The following ST3GAL3 variants were observed in gnomAD, a reference collection of about 807,000 sequenced individuals.
ST3GAL3 encodes CMP-N-acetylneuraminate-beta-1,4-galactoside alpha-2,3-sialyltransferase.
In ST3GAL3, 21 loss-of-function variants were observed where a neutral mutation model predicts 50.1. The observed-to-expected ratio is 0.42, with a 90% CI of 0.30 to 0.60. The LOEUF (loss-of-function observed/expected upper bound fraction) is 0.60. Among genes scored for constraint, ST3GAL3 ranks in the 20% least tolerant of loss-of-function variants. The pLI, the probability that ST3GAL3 is intolerant of heterozygous loss-of-function variation, is 0.19. For missense variants in ST3GAL3, 353 were observed against 489.4 expected (o/e 0.72, Z 2.63); for synonymous variants, 183 against 190.0 (o/e 0.96, Z 0.30).
intron 2 of ST3GAL3, among the ~76,000 whole-genome samples, chr1:43,787,704 C>A (rs1371113486): frequency 6.6e-6 from 1 of 152,204 alleles, no homozygotes; most frequent in Non-Finnish European, 1.5e-5. Flanking sequence ...TTACCCTTAT[C>A]ACTTTATTTT....
chr1:43,923,146 G>T (rs2083340591), intron 11 of ST3GAL3, among the ~76,000 whole-genome samples: 1 of 151,650 alleles, frequency 6.6e-6, no homozygotes, highest in South Asian at 2.1e-4. Flanking sequence ...TGCGCATGTA[G>T]TCCCTGCTGC....
chr1:43,921,563 C>T (rs958461188), intron 11 of ST3GAL3: 1 of 399,570 alleles, frequency 2.5e-6, no homozygotes, highest in African/African-American at 2.1e-5. Flanking sequence ...AGTTCTTCAA[C>T]AGCTTCTCTG....
intron 9 of ST3GAL3, among the ~76,000 whole-genome samples, chr1:43,915,892 G>A (rs1336294195): frequency 6.6e-6 from 1 of 152,220 alleles, no homozygotes; most frequent in East Asian, 1.9e-4. Flanking sequence ...GCCGAGGTGG[G>A]CGGGTCTTCT....
At chr1:43,794,772 T>G (rs2058496547) in intron 3 of ST3GAL3, among the ~76,000 whole-genome samples, 2 of 152,218 alleles carry the variant, frequency 1.3e-5, no homozygotes, top group Non-Finnish European at 2.9e-5. Flanking sequence ...ACAATATGGA[T>G]AAATATTAAA....
intron 9 of ST3GAL3, among the ~76,000 whole-genome samples, chr1:43,902,820 G>A (rs578007884): frequency 6.6e-6 from 1 of 152,332 alleles, no homozygotes; most frequent in African/African-American, 2.4e-5. Context: ...TCACTTATCA[G>A]CTGTCCATGA....
intron 5 of ST3GAL3, chr1:43,841,899 G>C (rs1305836208): frequency 2.0e-5 from 3 of 152,122 alleles, no homozygotes; most frequent in Non-Finnish European, 2.9e-5. Context: ...TCATTTACTT[G>C]CACCTGTATC....
At chr1:43,843,924 T>C (rs2065825711) in intron 5 of ST3GAL3, among the ~76,000 whole-genome samples, 1 of 152,252 alleles carries the variant, frequency 6.6e-6, no homozygotes, top group Admixed American at 6.5e-5. Flanking sequence ...CAGATGCTAA[T>C]CACAAGTAGT....
In ST3GAL3 at chr1:43,924,491, G is replaced by A. The variant is rs376686537; in HGVS notation, c.1038+3563G>A. Among the ~76,000 whole-genome samples, 10 of 152,356 alleles carry A rather than the reference G, an allele frequency of 6.6e-5. No homozygotes were observed. The East Asian group carries it at 9.6e-4, about 15-fold the overall frequency. On this transcript the variant is annotated intron_variant, in intron 11 of 11. Transcript: ENST00000347631. ...AATCGCAATGGGCTTTCTGTGCCACGGAAGGAGTTTGCACATTATTTAGAA... is the reference window on the plus strand; with the variant it reads ...AATCGCAATGGGCTTTCTGTGCCACAGAAGGAGTTTGCACATTATTTAGAA...
intron 4 of ST3GAL3, chr1:43,824,661 TC>T: frequency 2.5e-6 from 4 of 1,607,306 alleles, no homozygotes; most frequent in Non-Finnish European, 3.4e-6. Context: ...AGCCCACTGT[TC>T]AAAGACTTTC....
intron 5 of ST3GAL3, chr1:43,842,036 A>G (rs1438584666): frequency 1.3e-5 from 2 of 152,242 alleles, no homozygotes; most frequent in Admixed American, 6.5e-5. Flanking sequence ...GAAAGGGCAC[A>G]ATGCAACCAA....
At chr1:43,780,492 A>G (rs896393925) in intron 2 of ST3GAL3, among the ~76,000 whole-genome samples, 1 of 151,948 alleles carries the variant, frequency 6.6e-6, no homozygotes, top group African/African-American at 2.4e-5. Flanking sequence ...TCTTTTCAGC[A>G]TTTTCTCCTT....
chr1:43,787,606 G>A (rs1439870752), intron 2 of ST3GAL3, among the ~76,000 whole-genome samples: 1 of 152,202 alleles, frequency 6.6e-6, no homozygotes, highest in East Asian at 1.9e-4. Flanking sequence ...GTTTAAAAAT[G>A]TGTGATCGTA....
intron 3 of ST3GAL3, among the ~76,000 whole-genome samples, chr1:43,804,733 G>GT (rs2059681511): frequency 6.6e-6 from 1 of 152,346 alleles, no homozygotes; most frequent in African/African-American, 2.4e-5. Flanking sequence ...CTGTGGGCAG[G>GT]TGACAGTGAT....
chr1:43,785,804 G>A (rs983090722), intron 2 of ST3GAL3, among the ~76,000 whole-genome samples: 11 of 152,256 alleles, frequency 7.2e-5, no homozygotes, highest in African/African-American at 2.6e-4. Context: ...CTAGGTGGAT[G>A]AGGAGTCTAT....
At chr1:43,924,429 T>G (rs1344119516) in intron 11 of ST3GAL3, among the ~76,000 whole-genome samples, 1 of 152,254 alleles carries the variant, frequency 6.6e-6, no homozygotes, top group African/African-American at 2.4e-5. Context: ...TAAAGTTGTA[T>G]GCAGAGGGTG....
chr1:43,786,396 C>A (rs186260274), intron 2 of ST3GAL3, among the ~76,000 whole-genome samples: 1 of 152,286 alleles, frequency 6.6e-6, no homozygotes, highest in Admixed American at 6.5e-5. Flanking sequence ...GCGCCAGCAA[C>A]ACTGACCTTC....
At chr1:43,884,953 A>G (rs1315544559) in intron 5 of ST3GAL3, among the ~76,000 whole-genome samples, 1 of 151,612 alleles carries the variant, frequency 6.6e-6, no homozygotes, top group African/African-American at 2.4e-5. Context: ...CCCTCACCTC[A>G]CTCCTTAATA....
chr1:43,901,712 G>C (rs1018339571), intron 9 of ST3GAL3, among the ~76,000 whole-genome samples: 2 of 152,170 alleles, frequency 1.3e-5, no homozygotes, highest in Admixed American at 6.5e-5. Flanking sequence ...ACAGGCACAG[G>C]CTCACTCTTG....
At chr1:43,877,982 C>T (rs1242143780) in intron 5 of ST3GAL3, among the ~76,000 whole-genome samples, 1 of 152,218 alleles carries the variant, frequency 6.6e-6, no homozygotes, top group African/African-American at 2.4e-5. Context: ...CCTGTGGCTG[C>T]CCTAACAGAT....
Sources: allele counts gnomAD v4.1 joint callset (sites outside exome capture counted in the v4.1 genomes callset), GRCh38; gene constraint gnomAD v4.1.1; transcripts MANE v1.5; gene names NCBI Gene and HGNC (gene_info 2026-07-23, HGNC 2026-07-21).